HPSE2: variants seen among roughly 807,000 people sequenced by gnomAD.
The protein encoded by HPSE2 is inactive heparanase-2.
In HPSE2, 38 loss-of-function variants were observed where a neutral mutation model predicts 60.5. That is an observed-to-expected ratio of 0.63 (90% confidence interval 0.48 to 0.82). The LOEUF is 0.82. HPSE2 is among the 40% of genes least tolerant of loss of function. The probability of loss-of-function intolerance (pLI) is 0.00; values close to 1 mark genes in which losing one functional copy is unlikely to be tolerated. For missense variants in HPSE2, 713 were observed against 740.4 expected (o/e 0.96, Z 0.43); for synonymous variants, 295 against 293.2 (o/e 1.01, Z -0.06).
rs571732602 is a variant in HPSE2, at chr10:98,989,612, G to A, written c.610+154626C>T. ...GTATACATATGTAACAAACCTGCACGGTGTGCACATGTACCCTAATACTTA... is the reference window on the plus strand; with the variant it reads ...GTATACATATGTAACAAACCTGCACAGTGTGCACATGTACCCTAATACTTA... On this transcript the variant is annotated intron_variant, in intron 3 of 11. Transcript: ENST00000370552. Among the ~76,000 whole-genome samples the A allele has an allele frequency of 1.2e-3, 186 of 151,164 alleles. 1 individual carries two copies. The highest frequency in any genetic ancestry group is 1.5e-3 in the Admixed American group (23 of 15,162).
At chr10:99,080,182 C>T (rs1843086711) in intron 3 of HPSE2, among the ~76,000 whole-genome samples, 1 of 152,130 alleles carries the variant, frequency 6.6e-6, no homozygotes, top group Admixed American at 6.5e-5. Context: ...GCTTCCTATC[C>T]TTCATCCTTG....
intron 3 of HPSE2, among the ~76,000 whole-genome samples, chr10:98,921,906 A>T (rs1590081237): frequency 6.6e-6 from 1 of 152,094 alleles, no homozygotes; most frequent in African/African-American, 2.4e-5. Context: ...TCATGGGGAG[A>T]GACTGGTGTG....
intron 3 of HPSE2, among the ~76,000 whole-genome samples, chr10:98,928,898 G>T (rs1321169155): frequency 1.4e-5 from 2 of 138,128 alleles, no homozygotes; most frequent in African/African-American, 6.1e-5. Flanking sequence ...AGATGACGAG[G>T]TAGTGGGTGC....
At chr10:98,508,219 C>T (rs1255151502) in intron 9 of HPSE2, among the ~76,000 whole-genome samples, 2 of 152,132 alleles carry the variant, frequency 1.3e-5, no homozygotes, top group South Asian at 2.1e-4. Context: ...AAACTAATAG[C>T]AGATGACACT....
chr10:99,112,270 C>T (rs1282305122), intron 3 of HPSE2, among the ~76,000 whole-genome samples: 2 of 152,120 alleles, frequency 1.3e-5, no homozygotes, highest in Non-Finnish European at 2.9e-5. Flanking sequence ...GACAGAGTCT[C>T]GCTCTGTCAC....
At chr10:98,562,123 AC>A (rs1246127429) in intron 9 of HPSE2, among the ~76,000 whole-genome samples, 1 of 152,134 alleles carries the variant, frequency 6.6e-6, no homozygotes, top group Admixed American at 6.5e-5. Context: ...ATCTGGATAC[AC>A]AAATACTTAC....
intron 6 of HPSE2, among the ~76,000 whole-genome samples, chr10:98,665,233 AC>A (rs1382588914): frequency 2.0e-5 from 3 of 152,074 alleles, no homozygotes; most frequent in African/African-American, 7.3e-5. Flanking sequence ...CTCAGACAAA[AC>A]TAAAGGAAAA....
intron 3 of HPSE2, among the ~76,000 whole-genome samples, chr10:98,797,294 G>A (rs779422492): frequency 7.2e-5 from 11 of 152,138 alleles, no homozygotes; most frequent in East Asian, 1.9e-4. Flanking sequence ...CAAAGAGCTC[G>A]AAATAATGAA....
chr10:98,659,839 T>C (rs1947176893), intron 6 of HPSE2, among the ~76,000 whole-genome samples: 1 of 152,130 alleles, frequency 6.6e-6, no homozygotes, highest in Non-Finnish European at 1.5e-5. Context: ...TAGAGTGAAA[T>C]TGAAATTACA....
chr10:98,544,315 G>A (rs1943576913), intron 9 of HPSE2, among the ~76,000 whole-genome samples: 2 of 152,020 alleles, frequency 1.3e-5, no homozygotes, highest in Admixed American at 6.6e-5. Flanking sequence ...AGAATCTCTG[G>A]GACACATTCA....
At chr10:99,237,827 G>A (rs1849899211), upstream of HPSE2, among the ~76,000 whole-genome samples, 1 of 152,128 alleles carries the variant, frequency 6.6e-6, no homozygotes, top group South Asian at 2.1e-4. Flanking sequence ...CTTAGAGATG[G>A]CAACAGCCTG....
intron 3 of HPSE2, among the ~76,000 whole-genome samples, chr10:99,121,882 A>C (rs1338062966): frequency 6.6e-6 from 1 of 152,194 alleles, no homozygotes; most frequent in Non-Finnish European, 1.5e-5. Context: ...CATGAGAGCT[A>C]TCAACAGAAG....
In HPSE2 at chr10:98,916,780, T is replaced by A. The variant is rs535347727; in HGVS notation, c.611-172724A>T. 1.7e-4 allele frequency among the ~76,000 whole-genome samples: 26 copies of A among 152,330 alleles called. No individual in the cohort carries two copies. The South Asian group carries it at 5.2e-3, about 30-fold the overall frequency. ...AGATAGTCAGATAATCTATTCTGAT[T>A]AACCTTAACACATAGGTCTGGCCCC... On this transcript the variant is annotated intron_variant, in intron 3 of 11. Coordinates refer to ENST00000370552, the MANE Select transcript of HPSE2 (RefSeq NM_021828.5).
At chr10:99,160,310 G>A (rs1846775791) in intron 2 of HPSE2, among the ~76,000 whole-genome samples, 1 of 151,938 alleles carries the variant, frequency 6.6e-6, no homozygotes, top group Admixed American at 6.6e-5. Context: ...ATGGCTAATA[G>A]CACATAAAAT....
In HPSE2 at chr10:98,906,409, AG is replaced by A. The variant is rs554246110; in HGVS notation, c.611-162354del. Among the ~76,000 whole-genome samples, 434 of 152,312 alleles carry A rather than the reference AG, an allele frequency of 2.8e-3. 3 individuals are homozygous for A. Among genetic ancestry groups the A allele is most frequent in the African/African-American group, 9.9e-3 (411 of 41,570 alleles). On this transcript the variant is annotated intron_variant, in intron 3 of 11. Coordinates refer to ENST00000370552, the MANE Select transcript of HPSE2 (RefSeq NM_021828.5). ...AATCCAGGACACTAAGTAATAGATC[AG>A]GTTCTTGCTTGGTATGGTGATCAAC...
chr10:99,123,540 A>G (rs1845043560), intron 3 of HPSE2, among the ~76,000 whole-genome samples: 1 of 152,264 alleles, frequency 6.6e-6, no homozygotes, highest in East Asian at 1.9e-4. Context: ...GTTGCCCACA[A>G]CAAGGCAAGT....
At chr10:98,823,412 A>G (rs1951468360) in intron 3 of HPSE2, among the ~76,000 whole-genome samples, 2 of 152,176 alleles carry the variant, frequency 1.3e-5, no homozygotes, top group South Asian at 4.1e-4. Context: ...TGAGGCCAGG[A>G]GTTCAAGACC....
chr10:99,129,809 C>CAAA (rs35488447), intron 3 of HPSE2, among the ~76,000 whole-genome samples: 1,473 of 132,526 alleles, frequency 0.011, 27 homozygotes, highest in African/African-American at 0.04. Context: ...AAATTGAAAC[C>CAAA]AAAAAAAAAA....
At chr10:98,550,647 T>C (rs1471655961) in intron 9 of HPSE2, among the ~76,000 whole-genome samples, 2 of 152,212 alleles carry the variant, frequency 1.3e-5, no homozygotes, top group Non-Finnish European at 2.9e-5. Flanking sequence ...TTTTATATTA[T>C]AGTATTGTAG....
Sources: allele counts gnomAD v4.1 joint callset (sites outside exome capture counted in the v4.1 genomes callset), GRCh38; gene constraint gnomAD v4.1.1; transcripts MANE v1.5; gene names NCBI Gene and HGNC (gene_info 2026-07-23, HGNC 2026-07-21).